Variants in CEP63 observed in about 807,000 individuals in gnomAD.
The protein encoded by CEP63 is centrosomal protein of 63 kDa.
Under a neutral mutation model 89.1 loss-of-function variants are expected in CEP63, and 84 were observed. That is an observed-to-expected ratio of 0.94 (90% CI 0.79 to 1.13). The LOEUF is 1.13. Among genes scored for constraint, CEP63 ranks in the 50% most tolerant of loss-of-function variants. CEP63 has a pLI of 0.00. For missense variants in CEP63, 838 were observed against 813.3 expected (o/e 1.03, Z -0.37); for synonymous variants, 267 against 272.5 (o/e 0.98, Z 0.20).
At chr3:134,601,797 G>A in the CEP63 span, among the ~76,000 whole-genome samples, 1 of 152,236 alleles carries the variant, frequency 6.6e-6, no homozygotes, top group African/African-American at 2.4e-5. Flanking sequence ...CCACCGTGCT[G>A]GGTGGCAGTG....
the CEP63 span, among the ~76,000 whole-genome samples, chr3:134,699,724 T>A: frequency 4.6e-5 from 7 of 152,240 alleles, no homozygotes; most frequent in African/African-American, 1.4e-4. Flanking sequence ...GCTCATAATT[T>A]CAAGCTTTCA....
At chr3:134,628,205 A>G in the CEP63 span, 1 of 207,794 alleles carries the variant, frequency 4.8e-6, no homozygotes, top group African/African-American at 2.3e-5. Flanking sequence ...CTGACCATGG[A>G]TGGAAACAAA....
chr3:134,650,842 A>G, the CEP63 span: 1 of 1,604,740 alleles, frequency 6.2e-7, no homozygotes, highest in Non-Finnish European at 8.5e-7. Context: ...GCGCTGCAGC[A>G]GCGAGCTCGG....
chr3:134,581,926 C>T (rs4245902), intron 10 of CEP63, among the ~76,000 whole-genome samples: 95,907 of 151,048 alleles, frequency 0.63, 31,137 homozygotes, highest in East Asian at 0.81. Flanking sequence ...CCGCCCGCCT[C>T]GGCCTCCCAA....
chr3:134,502,420 G>A (rs1942256921), intron 2 of CEP63, among the ~76,000 whole-genome samples: 1 of 152,102 alleles, frequency 6.6e-6, no homozygotes, highest in East Asian at 1.9e-4. Flanking sequence ...TTATATGTCT[G>A]GTAGAATTTG....
At chr3:134,664,670 T>TGTGTG in the CEP63 span, among the ~76,000 whole-genome samples, 12 of 131,094 alleles carry the variant, frequency 9.2e-5, no homozygotes, top group Non-Finnish European at 1.4e-4. Flanking sequence ...TTAAGCAGTT[T>TGTGTG]TGTGTGTGTG....
In CEP63 at chr3:134,516,567, A is replaced by C. The variant is rs376278274; in HGVS notation, c.222+9281A>C. Reference sequence around the variant, plus strand: ...TATCACATGGGGAGAAACCTTGGACAATACCTGGCTTTCCTAGGCAGAGGT... The same window carrying C: ...TATCACATGGGGAGAAACCTTGGACCATACCTGGCTTTCCTAGGCAGAGGT... On this transcript the variant is annotated intron_variant, in intron 3 of 14. Transcript: ENST00000675561. 9.3e-4 allele frequency among the ~76,000 whole-genome samples: 141 copies of C among 152,316 alleles called. 1 individual carries two copies. Among genetic ancestry groups the C allele is most frequent in the African/African-American group, 3.3e-3 (139 of 41,558 alleles).
At chr3:134,607,585 C>T in the CEP63 span, 1 of 985,614 alleles carries the variant, frequency 1.0e-6, no homozygotes, top group Non-Finnish European at 1.2e-6. Flanking sequence ...AGGCTGTGTG[C>T]CCAGCACTGG....
the CEP63 span, among the ~76,000 whole-genome samples, chr3:134,594,202 C>T: frequency 6.6e-6 from 1 of 152,212 alleles, no homozygotes. Context: ...CACCACCATC[C>T]TTTACCCAGA....
intron 3 of CEP63, among the ~76,000 whole-genome samples, chr3:134,529,626 C>T (rs1055349807): frequency 6.6e-6 from 1 of 151,966 alleles, no homozygotes; most frequent in Admixed American, 6.6e-5. Flanking sequence ...CAGGTGTGAG[C>T]CACCGCACCC....
At chr3:134,627,275 G>T in the CEP63 span, among the ~76,000 whole-genome samples, 1 of 152,146 alleles carries the variant, frequency 6.6e-6, no homozygotes, top group East Asian at 1.9e-4. Context: ...GTATGGAGCT[G>T]CACCCCGCCT....
chr3:134,594,434 A>G, the CEP63 span, among the ~76,000 whole-genome samples: 1 of 152,156 alleles, frequency 6.6e-6, no homozygotes, highest in Non-Finnish European at 1.5e-5. Context: ...GCAGTCAGCC[A>G]TTCCCCCTGA....
At chr3:134,703,606 A>G in the CEP63 span, among the ~76,000 whole-genome samples, 1 of 152,000 alleles carries the variant, frequency 6.6e-6, no homozygotes, top group Non-Finnish European at 1.5e-5. Context: ...CGGGGGGAAC[A>G]GTACACACGG....
At chr3:134,624,144 G>A in the CEP63 span, among the ~76,000 whole-genome samples, 1 of 152,016 alleles carries the variant, frequency 6.6e-6, no homozygotes, top group Non-Finnish European at 1.5e-5. Context: ...CACCCTCCAG[G>A]AGTCAATCCA....
the CEP63 span, chr3:134,643,349 G>C: frequency 1.2e-6 from 2 of 1,613,896 alleles, no homozygotes; most frequent in Middle Eastern, 3.3e-4. Flanking sequence ...ACCTGGGGCT[G>C]CTGAGGGTGC....
chr3:134,744,162 T>G, the CEP63 span, among the ~76,000 whole-genome samples: 1 of 152,148 alleles, frequency 6.6e-6, no homozygotes, highest in East Asian at 1.9e-4. Flanking sequence ...TGGTTGTAGA[T>G]AGCCGGGAGG....
chr3:134,496,114 T>C (rs981451432), intron 2 of CEP63, among the ~76,000 whole-genome samples: 1 of 152,210 alleles, frequency 6.6e-6, no homozygotes, highest in African/African-American at 2.4e-5. Flanking sequence ...CTGAATCATA[T>C]GTGTTGTGAG....
the CEP63 span, among the ~76,000 whole-genome samples, chr3:134,718,812 G>A: frequency 1.3e-5 from 2 of 152,198 alleles, no homozygotes; most frequent in African/African-American, 2.4e-5. Context: ...TGATCAGACT[G>A]GAGTGCACAA....
the CEP63 span, among the ~76,000 whole-genome samples, chr3:134,665,893 C>T: frequency 3.4e-4 from 52 of 151,286 alleles, no homozygotes; most frequent in African/African-American, 1.2e-3. Flanking sequence ...TGAGAGAAGT[C>T]GAGGGGCAGA....
Sources: allele counts gnomAD v4.1 joint callset (sites outside exome capture counted in the v4.1 genomes callset), GRCh38; gene constraint gnomAD v4.1.1; transcripts MANE v1.5; gene names NCBI Gene and HGNC (gene_info 2026-07-23, HGNC 2026-07-21).